UNC79: variants seen among roughly 807,000 people sequenced by gnomAD.
UNC79 encodes unc-79 subunit of NALCN channel complex.
In UNC79, 37 loss-of-function variants were observed where a neutral mutation model predicts 283.1. The observed-to-expected ratio is 0.13, with a 90% CI of 0.10 to 0.17. The LOEUF is 0.17. UNC79 is among the 10% of genes least tolerant of loss of function. The probability of loss-of-function intolerance (pLI) is 1.00; values close to 1 mark genes in which losing one functional copy is unlikely to be tolerated. For synonymous variants in UNC79, 1,107 were observed against 1,200.2 expected, an observed-to-expected ratio of 0.92 and a Z score of 1.61; for missense variants, 2,272 against 3,211.1, an observed-to-expected ratio of 0.71 and a Z score of 7.07.
At chr14:93,421,591 A>G (rs1431223993) in intron 1 of UNC79, among the ~76,000 whole-genome samples, 1 of 151,674 alleles carries the variant, frequency 6.6e-6, no homozygotes, top group African/African-American at 2.4e-5. Flanking sequence ...ATATTTCCAA[A>G]TACATCCTAT....
intron 1 of UNC79, among the ~76,000 whole-genome samples, chr14:93,394,958 C>T (rs2054965571): frequency 6.6e-6 from 1 of 152,220 alleles, no homozygotes; most frequent in Non-Finnish European, 1.5e-5. Context: ...AGCAACCCTT[C>T]TGTCTTGGCC....
chr14:93,593,378 C>T (rs2064834156), intron 22 of UNC79, among the ~76,000 whole-genome samples: 1 of 152,138 alleles, frequency 6.6e-6, no homozygotes, highest in African/African-American at 2.4e-5. Context: ...CCTAACGTAC[C>T]TAATTTTGAC....
chr14:93,454,431 G>GTATGTA (rs1179374383), intron 1 of UNC79, among the ~76,000 whole-genome samples: 2 of 89,122 alleles, frequency 2.2e-5, no homozygotes, highest in Non-Finnish European at 5.6e-5. Context: ...ATGTATAGAT[G>GTATGTA]TGTGTATGTG....
At chr14:93,585,802 TC>T (rs2064178339) in intron 20 of UNC79, among the ~76,000 whole-genome samples, 1 of 152,116 alleles carries the variant, frequency 6.6e-6, no homozygotes, top group African/African-American at 2.4e-5. Flanking sequence ...TTCAACTGTT[TC>T]AAAATCTACC....
chr14:93,404,493 A>AAAAAAAAAAATATATATATATATATAT, intron 1 of UNC79, among the ~76,000 whole-genome samples: 17 of 61,484 alleles, frequency 2.8e-4, no homozygotes, highest in African/African-American at 7.3e-4. Flanking sequence ...TTCTAAAAAA[A>AAAAAAAAAAATATATATATATATATAT]ATATATATAT....
Position 93,550,536 on chromosome 14 carries a change from A to AAG in UNC79, c.1755+7841_1755+7842insGA, listed in dbSNP as rs1567095778. The stretch of plus-strand genomic sequence containing the variant: ...TATCAAAAAAAAAAAAAAAAAAAAA[A>AAG]AAAAAGAGGAAGGAGTCTTCCCTGG... On this transcript the variant is annotated intron_variant, in intron 14 of 48. Transcript: ENST00000555664. Among the ~76,000 whole-genome samples the AAG allele has an allele frequency of 3.3e-5, 5 of 149,758 alleles. 1 individual carries two copies. Among genetic ancestry groups the AAG allele is most frequent in the African/African-American group, 1.0e-4 (4 of 40,124 alleles).
chr14:93,389,899 C>T (rs748279048), intron 1 of UNC79, among the ~76,000 whole-genome samples: 29 of 152,288 alleles, frequency 1.9e-4, no homozygotes, highest in Non-Finnish European at 2.8e-4. Context: ...GTGATCTGCC[C>T]GCCTTGGCCT....
rs138689772 is a variant in UNC79 at position 93,648,660 on chromosome 14, C to G, written c.6083+2014C>G. On this transcript the variant is annotated intron_variant, in intron 35 of 48. Transcript: ENST00000555664. ...GTGTAACGGGTGGTCCCAGTCTGGT[C>G]TTGGTAGTGGTAGAGGAGGGGAGAA... 6.5e-3 allele frequency among the ~76,000 whole-genome samples: 982 copies of G among 151,970 alleles called. 11 individuals carry two copies. The highest frequency in any genetic ancestry group is 0.023 in the African/African-American group (935 of 41,422).
intron 31 of UNC79, among the ~76,000 whole-genome samples, chr14:93,636,394 G>A (rs2148561): frequency 0.032 from 4,793 of 152,108 alleles, 123 homozygotes; most frequent in Non-Finnish European, 0.048. Flanking sequence ...TTTGATTAGC[G>A]CCAGAAAAAG....
intron 5 of UNC79, among the ~76,000 whole-genome samples, chr14:93,488,119 C>G (rs1325457438): frequency 1.3e-5 from 2 of 152,184 alleles, no homozygotes; most frequent in Non-Finnish European, 2.9e-5. Context: ...TATCCTTAAA[C>G]ATAAACCTTT....
At chr14:93,548,983 G>A (rs910930205) in intron 14 of UNC79, among the ~76,000 whole-genome samples, 3 of 152,116 alleles carry the variant, frequency 2.0e-5, no homozygotes, top group African/African-American at 7.2e-5. Context: ...ACAATTTCTA[G>A]ATGCAAATTC....
intron 24 of UNC79, 143 bp downstream of exon 24, chr14:93,597,683 T>C: frequency 3.0e-6 from 3 of 983,928 alleles, no homozygotes; most frequent in Non-Finnish European, 4.3e-6. Flanking sequence ...AACAGAAATT[T>C]ATTTCGCAGA....
intron 1 of UNC79, among the ~76,000 whole-genome samples, chr14:93,446,544 C>T (rs184780577): frequency 2.0e-5 from 3 of 151,986 alleles, no homozygotes; most frequent in African/African-American, 4.8e-5. Context: ...TACAGGCACC[C>T]GCCACCATGC....
chr14:93,666,709 T>C (rs2072238596), intron 40 of UNC79, among the ~76,000 whole-genome samples: 1 of 152,110 alleles, frequency 6.6e-6, no homozygotes, highest in Admixed American at 6.6e-5. Flanking sequence ...AGATAAAACA[T>C]ATAGTAGATT....
chr14:93,541,319 G>A (rs1291083350), intron 13 of UNC79, among the ~76,000 whole-genome samples: 1 of 152,188 alleles, frequency 6.6e-6, no homozygotes, highest in East Asian at 1.9e-4. Context: ...GTAATGCAAG[G>A]AATATGATTG....
At chr14:93,654,520 G>A (rs188851102) in intron 37 of UNC79, among the ~76,000 whole-genome samples, 15 of 151,398 alleles carry the variant, frequency 9.9e-5, no homozygotes, top group Non-Finnish European at 1.9e-4. Flanking sequence ...GCAACGGAGC[G>A]AGACCCCCAA....
intron 8 of UNC79, among the ~76,000 whole-genome samples, chr14:93,527,229 G>A (rs1395759707): frequency 1.3e-5 from 2 of 152,218 alleles, no homozygotes; most frequent in African/African-American, 4.8e-5. Flanking sequence ...ATGGCCCAGA[G>A]CCAAATCTGG....
chr14:93,540,862 T>C (rs2061339359), intron 13 of UNC79, 31 bp downstream of exon 13: 1 of 1,608,650 alleles, frequency 6.2e-7, no homozygotes, highest in African/African-American at 1.3e-5. Context: ...ATTCTCCACT[T>C]TCTTATTTCT....
chr14:93,397,998 A>G (rs1291050280), intron 1 of UNC79, among the ~76,000 whole-genome samples: 1 of 152,150 alleles, frequency 6.6e-6, no homozygotes, highest in African/African-American at 2.4e-5. Context: ...GTCAATTTCA[A>G]GTTCTGACAT....
Sources: gnomAD v4.1 joint callset for allele counts (sites outside exome capture counted in the v4.1 genomes callset) on GRCh38, gnomAD v4.1.1 for gene constraint, MANE v1.5 for transcripts, NCBI Gene and HGNC (gene_info 2026-07-23, HGNC 2026-07-21) for gene names.